NELL1: variants seen among roughly 807,000 people sequenced by gnomAD.
NELL1 encodes the protein neural EGFL like 1.
Under a neutral mutation model 107.4 loss-of-function variants are expected in NELL1, and 76 were observed. That is an observed-to-expected ratio of 0.71 (90% CI 0.59 to 0.86). The LOEUF is 0.86. Ranked by LOEUF, NELL1 falls within the 40% of genes least tolerant of loss-of-function variation. NELL1 has a pLI of 0.00. For synonymous variants in NELL1, 353 were observed against 341.2 expected, an observed-to-expected ratio of 1.03 and a Z score of -0.38; for missense variants, 1,024 against 1,005.5, an observed-to-expected ratio of 1.02 and a Z score of -0.25.
intron 14 of NELL1, among the ~76,000 whole-genome samples, chr11:21,281,775 C>T (rs936421928): frequency 2.6e-5 from 4 of 152,128 alleles, no homozygotes; most frequent in Admixed American, 1.3e-4. Context: ...ATAATTCTTC[C>T]GGATCTCATC....
chr11:20,944,710 T>C (rs17298607), intron 10 of NELL1, among the ~76,000 whole-genome samples: 2,305 of 152,312 alleles, frequency 0.015, 22 homozygotes, highest in Non-Finnish European at 0.025. Context: ...CCTAATTATG[T>C]AGCTGGATTA....
intron 11 of NELL1, among the ~76,000 whole-genome samples, chr11:20,955,360 T>A (rs1333161727): frequency 6.6e-6 from 1 of 152,088 alleles, no homozygotes; most frequent in Non-Finnish European, 1.5e-5. Flanking sequence ...TCCCAAGGAG[T>A]GGCTACCTCT....
At chr11:21,373,885 A>T (rs1041203069) in intron 15 of NELL1, among the ~76,000 whole-genome samples, 2 of 152,100 alleles carry the variant, frequency 1.3e-5, no homozygotes, top group African/African-American at 4.8e-5. Flanking sequence ...GAGAAAGATG[A>T]GTGAAGAATC....
At chr11:21,230,963 GT>G (rs1222380088) in intron 14 of NELL1, among the ~76,000 whole-genome samples, 1 of 152,036 alleles carries the variant, frequency 6.6e-6, no homozygotes, top group Non-Finnish European at 1.5e-5. Flanking sequence ...TTGCAGCACT[GT>G]TTATATTCAC....
At chr11:20,808,383 A>T (rs555933628) in intron 3 of NELL1, among the ~76,000 whole-genome samples, 2 of 152,294 alleles carry the variant, frequency 1.3e-5, no homozygotes, top group South Asian at 2.1e-4. Flanking sequence ...CTGGTATCCA[A>T]GTTGCAAGAC....
intron 15 of NELL1, among the ~76,000 whole-genome samples, chr11:21,417,840 A>G (rs1014875608): frequency 6.6e-6 from 1 of 151,984 alleles, no homozygotes; most frequent in Non-Finnish European, 1.5e-5. Flanking sequence ...TCCTTTACCC[A>G]TGGTGTTTTC....
At chr11:21,464,686 G>A (rs984720569) in intron 15 of NELL1, among the ~76,000 whole-genome samples, 2 of 152,088 alleles carry the variant, frequency 1.3e-5, no homozygotes, top group Non-Finnish European at 2.9e-5. Flanking sequence ...ACCCTGCCAA[G>A]TCCCATGTTA....
At chr11:20,795,049 C>T (rs113516489) in intron 3 of NELL1, among the ~76,000 whole-genome samples, 2,122 of 152,298 alleles carry the variant, frequency 0.014, 60 homozygotes, top group African/African-American at 0.048. Context: ...TACTCTCAGG[C>T]ACAGCCATTA....
At chr11:20,926,947 G>GTATCATTAAAAA in intron 7 of NELL1, 1 of 171,604 alleles carries the variant, frequency 5.8e-6, no homozygotes, top group Admixed American at 6.1e-5. Flanking sequence ...CGGAGTTCCT[G>GTATCATTAAAAA]ATTAGATCGC....
intron 13 of NELL1, among the ~76,000 whole-genome samples, chr11:21,221,521 T>C (rs1373019961): frequency 1.3e-5 from 2 of 152,318 alleles, no homozygotes; most frequent in Admixed American, 1.3e-4. Flanking sequence ...AGGGTTTTCT[T>C]TGCTGGGAGA....
intron 3 of NELL1, among the ~76,000 whole-genome samples, chr11:20,801,920 C>T (rs1857287906): frequency 6.6e-6 from 1 of 152,112 alleles, no homozygotes; most frequent in Non-Finnish European, 1.5e-5. Flanking sequence ...CTTGTGTTCT[C>T]TATTCTGTTC....
intron 2 of NELL1, among the ~76,000 whole-genome samples, chr11:20,756,516 ATTTTTTTTTT>A (rs753445309): frequency 4.1e-5 from 4 of 97,322 alleles, no homozygotes; most frequent in Non-Finnish European, 8.3e-5. Context: ...ATTTTTTGTA[ATTTTTTTTTT>A]TTTTTTTTTT....
At chr11:20,700,527 T>A (rs1381007599) in intron 2 of NELL1, among the ~76,000 whole-genome samples, 3 of 151,990 alleles carry the variant, frequency 2.0e-5, no homozygotes. Flanking sequence ...AAATTTTTTT[T>A]ATTATACTTC....
At chr11:21,365,886 A>G (rs1851207356) in intron 14 of NELL1, among the ~76,000 whole-genome samples, 1 of 152,048 alleles carries the variant, frequency 6.6e-6, no homozygotes, top group South Asian at 2.1e-4. Context: ...TCATCAACTT[A>G]ATTGTGTAAA....
At position 21,456,358 on chromosome 11, in the gene NELL1, G is replaced by A. The variant is rs140018004; in HGVS notation, c.1646-78016G>A. ...TGTCATCTGAACTGCCTAATTTCCT[G>A]CTTGGGTTTTCATCCATTACAGAGA... On this transcript the variant is annotated intron_variant, in intron 15 of 19. Coordinates refer to ENST00000357134, the MANE Select transcript of NELL1 (RefSeq NM_006157.5). Among the ~76,000 whole-genome samples the A allele has an allele frequency of 2.1e-3, 317 of 151,912 alleles. 1 individual carries two copies. Among genetic ancestry groups the A allele is most frequent in the African/African-American group, 7.2e-3 (299 of 41,422 alleles).
At chr11:21,342,418 G>GT (rs1276934115) in intron 14 of NELL1, among the ~76,000 whole-genome samples, 1 of 148,214 alleles carries the variant, frequency 6.7e-6, no homozygotes, top group Admixed American at 6.7e-5. Context: ...AAGTGGGGGG[G>GT]GGGGTCACTT....
intron 16 of NELL1, among the ~76,000 whole-genome samples, chr11:21,539,806 G>C (rs1337480491): frequency 6.6e-6 from 1 of 151,638 alleles, no homozygotes; most frequent in Non-Finnish European, 1.5e-5. Context: ...GGCAACTTTT[G>C]GTTGCGAAAA....
intron 12 of NELL1, among the ~76,000 whole-genome samples, chr11:21,106,342 C>T (rs1051958328): frequency 6.6e-6 from 1 of 152,080 alleles, no homozygotes; most frequent in Non-Finnish European, 1.5e-5. Context: ...TTCTAATATG[C>T]ACCTCATAGA....
intron 15 of NELL1, chr11:21,383,949 T>C (rs1851676081): frequency 6.6e-6 from 1 of 151,952 alleles, no homozygotes; most frequent in Non-Finnish European, 1.5e-5. Flanking sequence ...TTATATTTGA[T>C]GGCAAACTAT....
Sources: allele counts gnomAD v4.1 joint callset (sites outside exome capture counted in the v4.1 genomes callset), GRCh38; gene constraint gnomAD v4.1.1; transcripts MANE v1.5; gene names NCBI Gene and HGNC (gene_info 2026-07-23, HGNC 2026-07-21).